Variants in PTPRD observed in about 807,000 individuals in gnomAD.
PTPRD encodes the protein protein tyrosine phosphatase receptor type D, also known as receptor-type tyrosine-protein phosphatase delta.
Under a neutral mutation model 214.5 loss-of-function variants are expected in PTPRD, and 34 were observed. The observed-to-expected ratio is 0.16, with a 90% CI of 0.12 to 0.21. The LOEUF is 0.21. Ranked by LOEUF, PTPRD falls within the 10% of genes least tolerant of loss-of-function variation. The pLI, the probability that PTPRD is intolerant of heterozygous loss-of-function variation, is 1.00. For synonymous variants in PTPRD, 1,128 were observed against 845.7 expected, an observed-to-expected ratio of 1.33 and a Z score of -5.79; for missense variants, 2,545 against 2,398.7, an observed-to-expected ratio of 1.06 and a Z score of -1.27.
intron 5 of PTPRD, among the ~76,000 whole-genome samples, chr9:9,909,687 T>C (rs1172159128): frequency 1.3e-5 from 2 of 151,960 alleles, no homozygotes; most frequent in Admixed American, 6.6e-5. Flanking sequence ...TTATAGTGCA[T>C]TTATATTTCA....
chr9:10,146,154 T>TATATATAC lies in PTPRD; in HGVS notation c.-544-112365_-544-112364insGTATATAT, dbSNP rs1489279516. Among the ~76,000 whole-genome samples the TATATATAC allele has an allele frequency of 6.7e-5, 10 of 150,014 alleles. No homozygotes were observed. The East Asian group carries it at 2.0e-3, about 29-fold the overall frequency. On this transcript the variant is annotated intron_variant, in intron 3 of 45. Coordinates refer to ENST00000381196, the MANE Select transcript of PTPRD (RefSeq NM_002839.4). Reference sequence around the variant, plus strand: ...TAAAAATTAAGTGAAATCATCCATATATATATATATATATGTATATGCCTA... The same window carrying TATATATAC: ...TAAAAATTAAGTGAAATCATCCATATATATATACATATATATATATATGTATATGCCTA...
intron 5 of PTPRD, among the ~76,000 whole-genome samples, chr9:9,879,423 G>T (rs1004134775): frequency 6.6e-6 from 1 of 152,086 alleles, no homozygotes; most frequent in African/African-American, 2.4e-5. Context: ...GTGAGAAACA[G>T]AACTATACTA....
intron 11 of PTPRD, among the ~76,000 whole-genome samples, chr9:9,015,061 T>C (rs894355357): frequency 1.1e-4 from 17 of 152,100 alleles, no homozygotes; most frequent in Non-Finnish European, 2.1e-4. Context: ...AATCAATTTG[T>C]GTAAAAAAAG....
intron 3 of PTPRD, among the ~76,000 whole-genome samples, chr9:10,047,751 A>C (rs1247947898): frequency 6.6e-6 from 1 of 152,140 alleles, no homozygotes; most frequent in Non-Finnish European, 1.5e-5. Context: ...TCCTTGAAAA[A>C]TCAGGTGGGT....
rs1642916289 is a variant in PTPRD at position 10,051,101 on chromosome 9, C to T, written c.-544-17311G>A. Among the ~76,000 whole-genome samples, 6 of 152,008 alleles carry T rather than the reference C, an allele frequency of 3.9e-5. No homozygotes were observed. In the South Asian group the frequency reaches 1.0e-3, roughly 26 times the overall value. The stretch of plus-strand genomic sequence containing the variant: ...ATAAAAAAGAAAAAAATGCAGAAGC[C>T]ACTGAATTCTGGGTACCTAATATAT... On this transcript the variant is annotated intron_variant, in intron 3 of 45. Transcript: ENST00000381196.
intron 39 of PTPRD, among the ~76,000 whole-genome samples, chr9:8,374,152 GTA>G (rs1337609910): frequency 1.4e-5 from 2 of 141,948 alleles, no homozygotes; most frequent in Non-Finnish European, 3.0e-5. Flanking sequence ...GTGTGTGTGT[GTA>G]CCGTATTTTT....
intron 4 of PTPRD, among the ~76,000 whole-genome samples, chr9:9,948,286 C>T (rs190029004): frequency 6.6e-6 from 1 of 151,998 alleles, no homozygotes; most frequent in Non-Finnish European, 1.5e-5. Flanking sequence ...TTCACTGTAT[C>T]TCAATTTTTA....
chr9:9,398,414 C>T (rs964974306), intron 8 of PTPRD, among the ~76,000 whole-genome samples: 6 of 151,964 alleles, frequency 3.9e-5, no homozygotes, highest in African/African-American at 7.2e-5. Context: ...TAGGAGATGT[C>T]CAGAAGATTC....
chr9:9,486,281 C>T (rs773893067), intron 8 of PTPRD, among the ~76,000 whole-genome samples: 3 of 146,556 alleles, frequency 2.0e-5, no homozygotes, highest in Non-Finnish European at 4.5e-5. Context: ...CTTACCTTTG[C>T]GTCTTCAAAC....
chr9:9,001,422 G>A (rs2099417851), intron 11 of PTPRD, among the ~76,000 whole-genome samples: 2 of 151,968 alleles, frequency 1.3e-5, no homozygotes. Context: ...AATAGCCCTA[G>A]GATTTAGGAC....
intron 2 of PTPRD, among the ~76,000 whole-genome samples, chr9:10,440,220 T>C (rs988221408): frequency 2.0e-5 from 3 of 151,688 alleles, no homozygotes; most frequent in African/African-American, 7.2e-5. Context: ...CAGTTTTTGT[T>C]TGAAGCATCA....
At chr9:8,742,242 T>C (rs1477447862) in intron 11 of PTPRD, among the ~76,000 whole-genome samples, 1 of 152,180 alleles carries the variant, frequency 6.6e-6, no homozygotes, top group Non-Finnish European at 1.5e-5. Flanking sequence ...TTTAAATTGA[T>C]ATATAAAACT....
intron 11 of PTPRD, among the ~76,000 whole-genome samples, chr9:9,015,706 C>T (rs1347029759): frequency 6.6e-6 from 1 of 152,094 alleles, no homozygotes; most frequent in East Asian, 1.9e-4. Context: ...TTTGCTGTAA[C>T]AAAATAATTT....
chr9:9,109,813 G>A (rs2099803562), intron 10 of PTPRD, among the ~76,000 whole-genome samples: 1 of 152,048 alleles, frequency 6.6e-6, no homozygotes, highest in African/African-American at 2.4e-5. Flanking sequence ...AGATATGGTG[G>A]CCTTCTTGGT....
chr9:8,839,649 T>C (rs2097519979), intron 11 of PTPRD, among the ~76,000 whole-genome samples: 1 of 152,198 alleles, frequency 6.6e-6, no homozygotes, highest in Non-Finnish European at 1.5e-5. Flanking sequence ...CAATCATTAC[T>C]GGTAGCATTA....
chr9:8,867,821 C>T (rs1462023640), intron 11 of PTPRD, among the ~76,000 whole-genome samples: 2 of 152,166 alleles, frequency 1.3e-5, no homozygotes, highest in African/African-American at 4.8e-5. Context: ...TTATGGAAAA[C>T]AATGGGCCTT....
At chr9:9,343,386 G>A (rs1325647753) in intron 9 of PTPRD, among the ~76,000 whole-genome samples, 1 of 152,126 alleles carries the variant, frequency 6.6e-6, no homozygotes, top group Non-Finnish European at 1.5e-5. Context: ...TCTAGCATCT[G>A]TTGTTTCCTG....
At chr9:9,862,684 G>A (rs2063036945) in intron 5 of PTPRD, among the ~76,000 whole-genome samples, 1 of 129,922 alleles carries the variant, frequency 7.7e-6, no homozygotes, top group Admixed American at 9.5e-5. Context: ...CCCAAGTTCT[G>A]CCTGTCTCTG....
chr9:9,190,513 T>A (rs1299085439), intron 9 of PTPRD, among the ~76,000 whole-genome samples: 1 of 152,012 alleles, frequency 6.6e-6, no homozygotes, highest in African/African-American at 2.4e-5. Context: ...CCCCCAGCCA[T>A]TCTCAGGTAT....
Sources: gnomAD v4.1 joint callset for allele counts (sites outside exome capture counted in the v4.1 genomes callset) on GRCh38, gnomAD v4.1.1 for gene constraint, MANE v1.5 for transcripts, NCBI Gene and HGNC (gene_info 2026-07-23, HGNC 2026-07-21) for gene names.